PTPN21: variants seen among roughly 807,000 people sequenced by gnomAD.
PTPN21 encodes the protein tyrosine-protein phosphatase non-receptor type 21.
A neutral mutation model predicts 131.8 loss-of-function variants in PTPN21; 77 were observed. The observed-to-expected ratio is 0.58, with a 90% confidence interval of 0.49 to 0.71. The LOEUF is 0.71. Among genes scored for constraint, PTPN21 ranks in the 30% least tolerant of loss-of-function variants. The pLI, the probability that PTPN21 is intolerant of heterozygous loss-of-function variation, is 0.00. For synonymous variants in PTPN21, 715 were observed against 621.3 expected, an observed-to-expected ratio of 1.15 and a Z score of -2.24; for missense variants, 1,552 against 1,527.1, an observed-to-expected ratio of 1.02 and a Z score of -0.27.
Position 88,480,260 on chromosome 14 carries a change from T to C in PTPN21, c.1171A>G (p.Asn391Asp), listed in dbSNP as rs1031750926. ...CTGTGTGCACTGTAGACACTGCCAT[T>C]ACGGATCCGACCGTTGAGGTCAATC... ...AQIDLNGRIR[N>D]GSVYSAHSTN... is the part of the protein sequence containing the mutation. Residue 391 changes from asparagine to aspartate, a missense_variant, in exon 13 of 19, where the codon AAT becomes GAT. Asn to Asp is a conservative substitution (Grantham distance 23, BLOSUM62 1). Transcript: ENST00000556564. 4 of 1,614,020 alleles carry C rather than the reference T, an allele frequency of 2.5e-6. No individual in the cohort carries two copies. The highest frequency in any genetic ancestry group is 2.2e-5 in the East Asian group (1 of 44,896).
chr14:88,472,569 T>C (rs2140085780), intron 14 of PTPN21, 104 bp from the exon 15 acceptor site: 2 of 742,150 alleles, frequency 2.7e-6, no homozygotes, highest in Non-Finnish European at 4.4e-6. Context: ...TCTAGCACTG[T>C]ATAATATTGA....
chr14:88,490,013 T>C (rs2077799157), intron 10 of PTPN21, among the ~76,000 whole-genome samples: 1 of 132,210 alleles, frequency 7.6e-6, no homozygotes. Flanking sequence ...TGTGGTTTTC[T>C]TTTTTTTTTT....
intron 13 of PTPN21, among the ~76,000 whole-genome samples, chr14:88,475,763 G>A (rs1280275672): frequency 2.0e-5 from 3 of 152,088 alleles, no homozygotes; most frequent in South Asian, 2.1e-4. Flanking sequence ...CATTTAAGTC[G>A]GCTCTTGCTA....
intron 2 of PTPN21, among the ~76,000 whole-genome samples, chr14:88,524,340 T>TA (rs1566843405): frequency 6.6e-6 from 1 of 152,272 alleles, no homozygotes; most frequent in East Asian, 1.9e-4. Flanking sequence ...CAACTGATTT[T>TA]AAATAAGGGT....
chr14:88,493,151 C>T (rs764380753), intron 10 of PTPN21: 23 of 451,580 alleles, frequency 5.1e-5, no homozygotes, highest in South Asian at 3.6e-4. Flanking sequence ...TTGTGCCCAA[C>T]AGGGTTACTG....
In PTPN21 at chr14:88,469,852, G is replaced by T. The variant is rs1396374394; in HGVS notation, c.3000+70C>A. ...CCCTGCCTTTTTCTCCACAGGTCAG[G>T]ATTCCAGATGATTAACATTAACTGT... On this transcript the variant is annotated intron_variant, in intron 16 of 18. Coordinates refer to ENST00000556564, the MANE Select transcript of PTPN21 (RefSeq NM_007039.4). The surrounding 1 kb of genome is among the most constrained non-coding windows in gnomAD (Gnocchi z 4.3). 6 of 1,608,098 alleles carry T rather than the reference G, an allele frequency of 3.7e-6. No individual in the cohort carries two copies. In the African/African-American group the frequency reaches 5.3e-5, roughly 14 times the overall value.
chr14:88,550,514 G>T lies in PTPN21; in HGVS notation c.-97C>A. ...CAGGAGAAAGCGATCCTCTCCGGAT[G>T]GGACGAACACTGTCCGGCCTCCAGC... On this transcript the variant is annotated 5_prime_UTR_variant, in exon 2 of 19. Coordinates refer to ENST00000556564, the MANE Select transcript of PTPN21 (RefSeq NM_007039.4). The T allele has an allele frequency of 8.4e-7, 1 of 1,188,516 alleles. No individual in the cohort carries two copies. Among genetic ancestry groups the T allele is most frequent in the Non-Finnish European group, 1.2e-6 (1 of 846,534 alleles). The allele number at this position is 1,188,516 out of a possible 1,614,324, so 73.6% of individuals were successfully genotyped here.
intron 2 of PTPN21, among the ~76,000 whole-genome samples, chr14:88,522,047 T>G (rs556272548): frequency 1.3e-5 from 2 of 152,316 alleles, no homozygotes; most frequent in South Asian, 4.1e-4. Flanking sequence ...TTTGTTGAAA[T>G]TGCATCATAA....
At chr14:88,511,649 C>G (rs886294563) in intron 3 of PTPN21, among the ~76,000 whole-genome samples, 3 of 151,972 alleles carry the variant, frequency 2.0e-5, no homozygotes, top group African/African-American at 7.3e-5. Context: ...AGCCTGGCAA[C>G]CAAGCAACAA....
intron 15 of PTPN21, among the ~76,000 whole-genome samples, chr14:88,470,693 TCTCA>T (rs1281787984): frequency 2.6e-5 from 4 of 152,320 alleles, no homozygotes; most frequent in African/African-American, 7.2e-5. Flanking sequence ...CCACACGCAC[TCTCA>T]CTCAGGGCTG....
At chr14:88,491,844 C>T (rs2077829491) in intron 10 of PTPN21, among the ~76,000 whole-genome samples, 1 of 152,086 alleles carries the variant, frequency 6.6e-6, no homozygotes, top group African/African-American at 2.4e-5. Context: ...TAAAAAGATT[C>T]AGGTGTTCCT....
intron 2 of PTPN21, among the ~76,000 whole-genome samples, chr14:88,540,499 C>A (rs1335146919): frequency 1.3e-5 from 2 of 152,188 alleles, no homozygotes; most frequent in Non-Finnish European, 2.9e-5. Context: ...GTCCATTGAG[C>A]ACCAAAACTT....
At chr14:88,471,980 G>A (rs368878849) in intron 15 of PTPN21, among the ~76,000 whole-genome samples, 6 of 152,096 alleles carry the variant, frequency 3.9e-5, no homozygotes, top group Non-Finnish European at 5.9e-5. Context: ...AGTGTTGGGG[G>A]CAGAGTGGTT....
Position 88,505,382 on chromosome 14 carries a change from T to A in PTPN21, c.449-11A>T, listed in dbSNP as rs2078071474. On this transcript the variant is annotated splice_polypyrimidine_tract_variant and intron_variant, in intron 4 of 18. Transcript: ENST00000556564. ...AGTCACCAAAATCCGCTATATAGAA[T>A]GACAAACATTCACGTTAATTATATT... is the stretch of plus-strand genomic sequence containing the variant. 1 of 1,567,814 alleles carries A rather than the reference T, an allele frequency of 6.4e-7. No homozygotes were observed. The highest frequency in any genetic ancestry group is 1.8e-5 in the Admixed American group (1 of 56,848).
intron 2 of PTPN21, among the ~76,000 whole-genome samples, chr14:88,549,522 G>A (rs893946147): frequency 2.0e-5 from 3 of 152,152 alleles, no homozygotes; most frequent in African/African-American, 7.2e-5. Flanking sequence ...AGACATCCCA[G>A]CCAGGGACAC....
intron 10 of PTPN21, among the ~76,000 whole-genome samples, chr14:88,486,198 A>G (rs568131774): frequency 5.8e-4 from 89 of 152,326 alleles, no homozygotes; most frequent in African/African-American, 2.1e-3. Flanking sequence ...CACTTGTCGC[A>G]GGAGAAGCTG....
chr14:88,545,995 T>TAAAAA (rs991650692), intron 2 of PTPN21, among the ~76,000 whole-genome samples: 61 of 77,054 alleles, frequency 7.9e-4, no homozygotes, highest in East Asian at 1.6e-3. Context: ...CTGTCTCAAA[T>TAAAAA]AAAAAAAAAA....
intron 2 of PTPN21, among the ~76,000 whole-genome samples, chr14:88,534,816 G>T (rs1415215132): frequency 6.6e-6 from 1 of 152,148 alleles, no homozygotes; most frequent in African/African-American, 2.4e-5. Flanking sequence ...AGTCGAGGCT[G>T]CAGTGAGCCA....
chr14:88,479,589 C>T lies in PTPN21; in HGVS notation c.1842G>A (p.Ala614=), dbSNP rs763825175. ...QTFQEDSLPV[A]HSLQEVSEPL... The stretch of plus-strand genomic sequence containing the variant: ...GCTCGCTGACCTCCTGCAGCGAGTG[C>T]GCCACGGGCAGGCTGTCCTCCTGGA... Residue 614 remains alanine (A), a synonymous_variant, in exon 13 of 19, where the codon GCG becomes GCA. Transcript: ENST00000556564. 3.1e-6 allele frequency: 5 copies of T among 1,589,910 alleles called. No individual in the cohort carries two copies. The highest frequency in any genetic ancestry group is 2.7e-5 in the African/African-American group (2 of 74,464).
Sources: gnomAD v4.1 joint callset for allele counts (sites outside exome capture counted in the v4.1 genomes callset) on GRCh38, gnomAD v4.1.1 for gene constraint, Gnocchi (gnomAD v3.1) non-coding constraint, MANE v1.5 for transcripts, NCBI Gene and HGNC (gene_info 2026-07-23, HGNC 2026-07-21) for gene names.